Variants in VEGFA observed in about 807,000 individuals in gnomAD.
The protein encoded by VEGFA is vascular endothelial growth factor A, also known as vascular endothelial growth factor A, long form.
VEGFA carries 20 observed loss-of-function variants against 49.7 expected under a neutral mutation model. The observed-to-expected ratio is 0.40, with a 90% CI of 0.28 to 0.58. VEGFA has a LOEUF of 0.58. Ranked by LOEUF, VEGFA falls within the 20% of genes least tolerant of loss-of-function variation. The pLI, the probability that VEGFA is intolerant of heterozygous loss-of-function variation, is 0.40. For synonymous variants in VEGFA, 219 were observed against 223.4 expected, an observed-to-expected ratio of 0.98 and a Z score of 0.18; for missense variants, 505 against 553.5, an observed-to-expected ratio of 0.91 and a Z score of 0.88.
intron 7 of VEGFA, 177 bp from the exon 8 acceptor site, chr6:43,784,364 G>C (rs1769007193): frequency 1.4e-6 from 1 of 710,430 alleles, no homozygotes; most frequent in Non-Finnish European, 2.6e-6. Context: ...GCAGGGCTGG[G>C]GCTGTTCTCA....
intron 5 of VEGFA, chr6:43,779,497 G>T: frequency 2.7e-6 from 1 of 375,584 alleles, no homozygotes; most frequent in Non-Finnish European, 5.2e-6. Flanking sequence ...GTAGGATGGG[G>T]TGGGGGACAA....
rs753997360 is a variant in VEGFA at position 43,771,035 on chromosome 6, G to C, written c.329G>C (p.Arg110Pro). ...GAAGAGGAGAGGGGGCCGCAGTGGCGACTCGGCGCTCGGAAGCCGGGCTCA... is the reference window on the plus strand; with the variant it reads ...GAAGAGGAGAGGGGGCCGCAGTGGCCACTCGGCGCTCGGAAGCCGGGCTCA... The change falls in exon 1 of 8, where the codon CGA becomes CCA. Residue 110 changes from arginine (R) to proline (P), a missense_variant. Around this residue, in one of 2 missense-constraint regions of VEGFA, gnomAD observed 340 missense variants for 321.8 expected, o/e 1.06. Coordinates refer to ENST00000672860, the MANE Select transcript of VEGFA (RefSeq NM_003376.6). The C allele has an allele frequency of 6.6e-7, 1 of 1,525,688 alleles. No homozygotes were observed. The allele number at this position is 1,525,688 out of a possible 1,614,324, so 94.5% of individuals were successfully genotyped here.
chr6:43,770,812 C>T lies in VEGFA; in HGVS notation c.106C>T (p.Pro36Ser), dbSNP rs755000167. The change falls in exon 1 of 8, where the codon CCC (proline) becomes TCC (serine). Residue 36 changes from proline (P) to serine (S), a missense_variant. Around this residue, in one of 2 missense-constraint regions of VEGFA, gnomAD observed 340 missense variants for 321.8 expected, o/e 1.06. Transcript: ENST00000672860. The stretch of plus-strand genomic sequence containing the variant: ...GGCGAGCCGCGGGCAGGGGCCGGAG[C>T]CCGCGCCCGGAGGCGGGGTGGAGGG... 19 of 1,512,224 alleles carry T rather than the reference C, an allele frequency of 1.3e-5. 1 individual carries two copies. The highest frequency in any genetic ancestry group is 1.6e-5 in the Non-Finnish European group (18 of 1,132,454). 93.7% of individuals were successfully genotyped at this position (1,512,224 alleles called of 1,614,324 possible). A position where few individuals can be genotyped will look rare whatever the true frequency, so the allele number is the denominator to read the frequency against.
At chr6:43,771,669 A>G (rs1763615284) in intron 1 of VEGFA, among the ~76,000 whole-genome samples, 1 of 151,940 alleles carries the variant, frequency 6.6e-6, no homozygotes, top group Non-Finnish European at 1.5e-5. Flanking sequence ...TCCCGGACGA[A>G]CTGGAAGTCT....
At position 43,780,801 on chromosome 6, in the gene VEGFA, C is replaced by T. The variant is rs777846438; in HGVS notation, c.1032C>T (p.Ser344=). 42 of 1,613,858 alleles carry T rather than the reference C, an allele frequency of 2.6e-5. 1 individual carries two copies. The highest frequency in any genetic ancestry group is 1.7e-4 in the Admixed American group (10 of 59,988). Residue 344 remains serine, a splice_region_variant and synonymous_variant, in exon 6 of 8, where the codon AGC becomes AGT. Transcript: ENST00000672860. ...AGAAATCCCGGTATAAGTCCTGGAGCGTGTACGTTGGTGCCCGCTGCTGTC... is the reference window on the plus strand; with the variant it reads ...AGAAATCCCGGTATAAGTCCTGGAGTGTGTACGTTGGTGCCCGCTGCTGTC...
chr6:43,770,521 A>T lies in VEGFA; in HGVS notation c.-186A>T. 2.4e-6 allele frequency: 3 copies of T among 1,264,256 alleles called. No homozygotes were observed. The highest frequency in any genetic ancestry group is 2.0e-6 in the Non-Finnish European group (2 of 998,554). 78.3% of individuals were successfully genotyped at this position (1,264,256 alleles called of 1,614,324 possible). On this transcript the variant is annotated 5_prime_UTR_variant, in exon 1 of 8. Coordinates refer to ENST00000672860, the MANE Select transcript of VEGFA (RefSeq NM_003376.6). ...CACTGTGGATTTTGGAAACCAGCAGAAAGAGGAAAGAGGTAGCAAGAGCTC... is the reference window on the plus strand; with the variant it reads ...CACTGTGGATTTTGGAAACCAGCAGTAAGAGGAAAGAGGTAGCAAGAGCTC...
At chr6:43,779,036 G>T in intron 5 of VEGFA, 118 bp downstream of exon 5, 1 of 1,360,908 alleles carries the variant, frequency 7.3e-7, no homozygotes, top group South Asian at 1.2e-5. Flanking sequence ...ACTTGGTCTT[G>T]TGGGGGACTT....
rs1398840917 is a variant in VEGFA at position 43,785,611 on chromosome 6, C to T, written c.*1049C>T. 1 of 203,970 alleles carries T rather than the reference C, an allele frequency of 4.9e-6. No homozygotes were observed. Among genetic ancestry groups the T allele is most frequent in the Non-Finnish European group, 1.0e-5 (1 of 99,514 alleles). The allele number at this position is 203,970 out of a possible 1,614,324, so 12.6% of individuals were successfully genotyped here. A position where few individuals can be genotyped will look rare whatever the true frequency, so the allele number is the denominator to read the frequency against. On this transcript the variant is annotated 3_prime_UTR_variant, in exon 8 of 8. Coordinates refer to ENST00000672860, the MANE Select transcript of VEGFA (RefSeq NM_003376.6). Reference sequence around the variant, plus strand: ...GGGTGCAGCCTAAAAGGACCTATGTCCTCACACCATTGAAACCACTAGTTC... The same window carrying T: ...GGGTGCAGCCTAAAAGGACCTATGTTCTCACACCATTGAAACCACTAGTTC...
rs1179058415 is a variant in VEGFA at position 43,777,883 on chromosome 6, A to C, written c.855+218A>C. 3 of 596,546 alleles carry C rather than the reference A, an allele frequency of 5.0e-6. No individual in the cohort carries two copies. Among genetic ancestry groups the C allele is most frequent in the Non-Finnish European group, 8.9e-6 (3 of 336,618 alleles). The allele number at this position is 596,546 out of a possible 1,614,324, so 37.0% of individuals were successfully genotyped here. On this transcript the variant is annotated intron_variant, in intron 3 of 7. Coordinates refer to ENST00000672860, the MANE Select transcript of VEGFA (RefSeq NM_003376.6). This position sits in a 1 kb window ranked among gnomAD's most constrained non-coding sequence, Gnocchi z 4.3. ...AGCCCCAACCATCTCCTTCTCCCTGATGGTTGCCCATGGGCTCAGGAGGGG... is the reference window on the plus strand; with the variant it reads ...AGCCCCAACCATCTCCTTCTCCCTGCTGGTTGCCCATGGGCTCAGGAGGGG...
Position 43,770,647 on chromosome 6 carries a change from G to T in VEGFA, c.-60G>T. 2 of 1,495,738 alleles carry T rather than the reference G, an allele frequency of 1.3e-6. No individual in the cohort carries two copies. The highest frequency in any genetic ancestry group is 1.8e-6 in the Non-Finnish European group (2 of 1,133,046). The allele number at this position is 1,495,738 out of a possible 1,614,324, so 92.7% of individuals were successfully genotyped here. On this transcript the variant is annotated 5_prime_UTR_variant, in exon 1 of 8. Coordinates refer to ENST00000672860, the MANE Select transcript of VEGFA (RefSeq NM_003376.6). ...CAAAGTGAGTGACCTGCTTTTGGGGGTGACCGCCGGAGCGCGGCGTGAGCC... is the reference window on the plus strand; with the variant it reads ...CAAAGTGAGTGACCTGCTTTTGGGGTTGACCGCCGGAGCGCGGCGTGAGCC...
At chr6:43,782,196 G>A (rs1344018924) in intron 7 of VEGFA, 109 bp downstream of exon 7, 8 of 1,492,746 alleles carry the variant, frequency 5.4e-6, no homozygotes, top group Non-Finnish European at 7.3e-6. Context: ...GCCTGAGAGG[G>A]GCCAGCTGCT....
In VEGFA at chr6:43,771,312, G is replaced by C; in HGVS notation, c.606G>C (p.Lys202Asn). ...TGCTGCTCTACCTCCACCATGCCAA[G>C]GTAAGCGGTCGTGCCCTGCTGGCGC... Residue 202 changes from lysine to asparagine, a missense_variant and splice_region_variant, in exon 1 of 8, where the codon AAG becomes AAC. Physicochemically the swap from Lys to Asn is moderately conservative, Grantham distance 94. This residue lies in a region of VEGFA where 340 missense variants were observed against 321.8 expected (regional missense o/e 1.06). Transcript: ENST00000672860. The C allele has an allele frequency of 1.9e-6, 3 of 1,602,336 alleles. No homozygotes were observed. The highest frequency in any genetic ancestry group is 2.2e-5 in the South Asian group (2 of 90,242).
intron 6 of VEGFA, 136 bp from the exon 7 acceptor site, chr6:43,781,817 GATC>G: frequency 2.6e-6 from 3 of 1,172,228 alleles, no homozygotes; most frequent in Non-Finnish European, 3.7e-6. Flanking sequence ...GTAGCGCTCG[GATC>G]CTTCCAGGGC....
At chr6:43,780,667 T>C in intron 5 of VEGFA, 65 bp from the exon 6 acceptor site, 1 of 1,557,580 alleles carries the variant, frequency 6.4e-7, no homozygotes, top group Non-Finnish European at 8.8e-7. Flanking sequence ...CTGCCCACCT[T>C]ACCACTTCTT....
At chr6:43,779,278 A>G in intron 5 of VEGFA, 1 of 454,066 alleles carries the variant, frequency 2.2e-6, no homozygotes, top group Non-Finnish European at 4.0e-6. Context: ...GGTGGCAGAG[A>G]GGCCAGCTTT....
chr6:43,779,111 C>A, intron 5 of VEGFA, 193 bp downstream of exon 5: 1 of 692,008 alleles, frequency 1.4e-6, no homozygotes, highest in South Asian at 1.8e-5. Context: ...AGTGAGAAAA[C>A]ATAGCCAGGA....
chr6:43,774,231 C>T (rs1209279692), intron 1 of VEGFA, 110 bp from the exon 2 acceptor site: 2 of 1,199,016 alleles, frequency 1.7e-6, no homozygotes, highest in Non-Finnish European at 2.4e-6. Context: ...CTTGGAGAAG[C>T]CAGAGGCTGT....
chr6:43,772,758 A>C (rs938282742), intron 1 of VEGFA, among the ~76,000 whole-genome samples: 3 of 152,162 alleles, frequency 2.0e-5, no homozygotes, highest in African/African-American at 7.2e-5. Flanking sequence ...GGCAAGAGGA[A>C]AGCCATGGAC....
At chr6:43,778,099 A>C (rs1350788982) in intron 3 of VEGFA, 11 of 463,106 alleles carry the variant, frequency 2.4e-5, no homozygotes, top group Non-Finnish European at 3.6e-5. Flanking sequence ...GCTGTGAAAC[A>C]CAGGGAGGGG....
Sources: allele counts gnomAD v4.1 joint callset (sites outside exome capture counted in the v4.1 genomes callset), GRCh38; gene constraint gnomAD v4.1.1; regional missense constraint gnomAD v4.1.1; non-coding constraint Gnocchi (gnomAD v3.1); transcripts MANE v1.5; gene names NCBI Gene and HGNC (gene_info 2026-07-23, HGNC 2026-07-21).